THEMIS: variants seen among roughly 807,000 people sequenced by gnomAD.
The protein encoded by THEMIS is thymocyte selection associated.
THEMIS carries 37 observed loss-of-function variants against 52.6 expected under a neutral mutation model. That is an observed-to-expected ratio of 0.70 (90% CI 0.54 to 0.93). THEMIS has a LOEUF of 0.93. Among genes scored for constraint, THEMIS ranks in the 40% least tolerant of loss-of-function variants. THEMIS has a pLI of 0.00. For synonymous variants in THEMIS, 292 were observed against 272.7 expected (o/e 1.07, Z -0.70); for missense variants, 808 against 763.1 (o/e 1.06, Z -0.69).
intron 4 of THEMIS, among the ~76,000 whole-genome samples, chr6:127,733,704 C>G (rs901959338): frequency 2.6e-5 from 4 of 152,134 alleles, no homozygotes; most frequent in African/African-American, 9.7e-5. Flanking sequence ...AATATCAAAT[C>G]TGAATCTATC....
intron 4 of THEMIS, among the ~76,000 whole-genome samples, chr6:127,748,691 C>A (rs535573299): frequency 2.6e-5 from 4 of 152,084 alleles, no homozygotes; most frequent in African/African-American, 4.8e-5. Flanking sequence ...AATACTTTAG[C>A]AAAATGGGAA....
intron 2 of THEMIS, among the ~76,000 whole-genome samples, chr6:127,832,469 G>A (rs1778727961): frequency 1.3e-5 from 2 of 152,176 alleles, no homozygotes; most frequent in Non-Finnish European, 2.9e-5. Flanking sequence ...ACTAGGACAT[G>A]TTGTAGTTGT....
At chr6:127,885,437 G>C (rs978041697) in intron 1 of THEMIS, among the ~76,000 whole-genome samples, 1 of 151,926 alleles carries the variant, frequency 6.6e-6, no homozygotes, top group African/African-American at 2.4e-5. Context: ...GTTTATGACA[G>C]AGCACCTTTC....
intron 1 of THEMIS, among the ~76,000 whole-genome samples, chr6:127,881,966 T>C (rs1471327095): frequency 2.0e-5 from 3 of 150,672 alleles, no homozygotes; most frequent in Non-Finnish European, 4.4e-5. Context: ...GTAGACAAGT[T>C]ATATAGTAGC....
chr6:127,838,057 G>C (rs946850454), intron 2 of THEMIS, among the ~76,000 whole-genome samples: 2 of 152,014 alleles, frequency 1.3e-5, no homozygotes, highest in Admixed American at 1.3e-4. Context: ...ACATTATAAA[G>C]GCTCTTTTCT....
At chr6:127,849,544 G>A (rs879923310) in intron 2 of THEMIS, among the ~76,000 whole-genome samples, 6 of 151,806 alleles carry the variant, frequency 4.0e-5, no homozygotes, top group Admixed American at 2.6e-4. Flanking sequence ...ATGAAAATAT[G>A]CACATAGACC....
At chr6:127,837,505 T>C (rs959757594) in intron 2 of THEMIS, among the ~76,000 whole-genome samples, 1 of 152,102 alleles carries the variant, frequency 6.6e-6, no homozygotes, top group Non-Finnish European at 1.5e-5. Flanking sequence ...CTCTACTTTA[T>C]ATATGAGGAA....
intron 2 of THEMIS, among the ~76,000 whole-genome samples, chr6:127,850,500 C>G (rs528007771): frequency 2.6e-5 from 4 of 151,852 alleles, no homozygotes; most frequent in African/African-American, 9.6e-5. Context: ...TGTCCATCAA[C>G]CAACAAATGG....
chr6:127,890,794 A>G (rs1388880400), intron 1 of THEMIS, among the ~76,000 whole-genome samples: 3 of 152,144 alleles, frequency 2.0e-5, no homozygotes, highest in Non-Finnish European at 4.4e-5. Context: ...ATTATTAACA[A>G]AAATTAAAAT....
chr6:127,828,286 C>G (rs562832289), intron 3 of THEMIS, among the ~76,000 whole-genome samples: 4 of 152,080 alleles, frequency 2.6e-5, no homozygotes, highest in African/African-American at 9.7e-5. Context: ...TTATAAAAAT[C>G]AAAGAAATCT....
intron 3 of THEMIS, among the ~76,000 whole-genome samples, chr6:127,825,512 A>T (rs1778478171): frequency 6.6e-6 from 1 of 152,206 alleles, no homozygotes; most frequent in African/African-American, 2.4e-5. Flanking sequence ...TCAAACATTC[A>T]TGCACCGTTC....
At chr6:127,856,237 C>A (rs1004365915) in intron 1 of THEMIS, among the ~76,000 whole-genome samples, 5 of 151,932 alleles carry the variant, frequency 3.3e-5, no homozygotes, top group Admixed American at 2.6e-4. Context: ...ATGTAGCATG[C>A]ACCTAGAACA....
intron 4 of THEMIS, among the ~76,000 whole-genome samples, chr6:127,777,751 A>G (rs983165242): frequency 6.6e-6 from 1 of 152,166 alleles, no homozygotes; most frequent in African/African-American, 2.4e-5. Context: ...TATTTATATG[A>G]TAAAAAGAGT....
chr6:127,892,095 C>T (rs962399025), intron 1 of THEMIS, among the ~76,000 whole-genome samples: 1 of 152,148 alleles, frequency 6.6e-6, no homozygotes, highest in Non-Finnish European at 1.5e-5. Context: ...TTCCCAGCCC[C>T]ACTCTGTACC....
rs58472332 is a variant in THEMIS at position 127,907,337 on chromosome 6, A to ATTTTTTTTTTTTTTTTTTTTTTTTTTTTT, written c.-149-6285_-149-6257dup. Among the ~76,000 whole-genome samples the ATTTTTTTTTTTTTTTTTTTTTTTTTTTTT allele has an allele frequency of 3.8e-4, 19 of 49,458 alleles. 3 individuals carry two copies. The highest frequency in any genetic ancestry group is 6.2e-4 in the African/African-American group (8 of 12,840). 32.4% of individuals were successfully genotyped at this position (49,458 alleles called of 152,430 possible). On this transcript the variant is annotated intron_variant, in intron 1 of 6. Transcript: ENST00000368250. Reference sequence around the variant, plus strand: ...AATACCATTAGGGCATTAGGCTCGGATTTTTTTTTTTTTTTTTTTTTTTTT... The same window carrying ATTTTTTTTTTTTTTTTTTTTTTTTTTTTT: ...AATACCATTAGGGCATTAGGCTCGGATTTTTTTTTTTTTTTTTTTTTTTTTTTTTTTTTTTTTTTTTTTTTTTTTTTTTT...
At chr6:127,869,947 G>A (rs190767742) in intron 1 of THEMIS, among the ~76,000 whole-genome samples, 97 of 152,228 alleles carry the variant, frequency 6.4e-4, no homozygotes, top group African/African-American at 1.8e-3. Flanking sequence ...CTTAGGCCTC[G>A]CTCTTTGCCA....
intron 4 of THEMIS, among the ~76,000 whole-genome samples, chr6:127,759,891 CT>C (rs1390599004): frequency 8.0e-6 from 1 of 125,352 alleles, no homozygotes; most frequent in Non-Finnish European, 1.6e-5. Context: ...CTCTCTCTCT[CT>C]TTCTTTCTCT....
Position 127,915,380 on chromosome 6 carries a change from G to T in THEMIS, c.-150+3048C>A, listed in dbSNP as rs371502602. On this transcript the variant is annotated intron_variant, in intron 1 of 6. Transcript: ENST00000368250. Reference sequence around the variant, plus strand: ...CCACTGTCCCCTAAGTTTGTGGCTTGGTATTGACAGCTGAAAGAGTTGAAT... The same window carrying T: ...CCACTGTCCCCTAAGTTTGTGGCTTTGTATTGACAGCTGAAAGAGTTGAAT... Among the ~76,000 whole-genome samples the T allele has an allele frequency of 2.4e-4, 37 of 152,212 alleles. No individual in the cohort carries two copies. The South Asian group carries it at 7.7e-3, about 32-fold the overall frequency.
At chr6:127,730,277 TAAAGAAAAGAAAAGAAAAGA>T (rs200876150) in intron 4 of THEMIS, among the ~76,000 whole-genome samples, 11 of 54,734 alleles carry the variant, frequency 2.0e-4, no homozygotes, top group African/African-American at 4.0e-4. Context: ...CTATAGGAAA[TAAAGAAAAGAAAAGAAAAGA>T]AAAGAAAAGA....
Sources: allele counts gnomAD v4.1 joint callset (sites outside exome capture counted in the v4.1 genomes callset), GRCh38; gene constraint gnomAD v4.1.1; transcripts MANE v1.5; gene names NCBI Gene and HGNC (gene_info 2026-07-23, HGNC 2026-07-21).